TENM2: variants seen among roughly 807,000 people sequenced by gnomAD.
TENM2 encodes teneurin transmembrane protein 2.
A neutral mutation model predicts 245.2 loss-of-function variants in TENM2; 52 were observed. The ratio of observed to expected loss-of-function variants is 0.21; its 90% CI spans 0.17 to 0.27. The LOEUF is 0.27. TENM2 is among the 10% of genes least tolerant of loss of function. The pLI, the probability that TENM2 is intolerant of heterozygous loss-of-function variation, is 1.00. For missense variants in TENM2, 3,046 were observed against 3,666.8 expected, an observed-to-expected ratio of 0.83 and a Z score of 4.37; for synonymous variants, 1,363 against 1,438.9, an observed-to-expected ratio of 0.95 and a Z score of 1.19.
chr5:167,802,587 C>T lies in TENM2; in HGVS notation c.503-73399C>T, dbSNP rs970731440. Among the ~76,000 whole-genome samples, 36 of 152,288 alleles carry T rather than the reference C, an allele frequency of 2.4e-4. No individual in the cohort carries two copies. In the Middle Eastern group the frequency reaches 0.01, roughly 43 times the overall value. ...AATCGAGCTTGAAACCTGAAAGGAA[C>T]ATCTTCCTCCTTTAGGCATGTCAGA... On this transcript the variant is annotated intron_variant, in intron 2 of 28. Coordinates refer to ENST00000518659, the Ensembl canonical transcript of TENM2.
At chr5:167,060,090 A>G in the TENM2 span, among the ~76,000 whole-genome samples, 29 of 152,312 alleles carry the variant, frequency 1.9e-4, no homozygotes, top group Admixed American at 5.2e-4. Flanking sequence ...CAAATTCTAT[A>G]TAGAAATTTA....
intron 2 of TENM2, among the ~76,000 whole-genome samples, chr5:167,567,928 G>GCATT (rs1774016450): frequency 6.7e-6 from 1 of 149,786 alleles, no homozygotes; most frequent in South Asian, 2.1e-4. Context: ...TTTAATAAGT[G>GCATT]CATTCTAGGT....
intron 2 of TENM2, among the ~76,000 whole-genome samples, chr5:167,732,548 T>C (rs1438019987): frequency 6.6e-6 from 1 of 152,194 alleles, no homozygotes; most frequent in Non-Finnish European, 1.5e-5. Context: ...GTTTGCTTTT[T>C]TGAATTGCAG....
chr5:167,210,282 T>C, the TENM2 span, among the ~76,000 whole-genome samples: 1 of 152,192 alleles, frequency 6.6e-6, no homozygotes, highest in Admixed American at 6.5e-5. Context: ...CTTACTGTGC[T>C]TCTTTCCCAT....
chr5:167,876,152 C>T, exon 3 of TENM2: 1 of 1,551,608 alleles, frequency 6.4e-7, no homozygotes. Flanking sequence ...CCAATTCATA[C>T]CTGCTCAGAG....
At chr5:167,621,133 T>C (rs1778145060) in intron 2 of TENM2, among the ~76,000 whole-genome samples, 1 of 152,174 alleles carries the variant, frequency 6.6e-6, no homozygotes, top group African/African-American at 2.4e-5. Context: ...CCAGATATTA[T>C]ACTCGGAGCA....
intron 5 of TENM2, among the ~76,000 whole-genome samples, chr5:168,014,826 G>T (rs1288256240): frequency 6.6e-6 from 1 of 152,160 alleles, no homozygotes; most frequent in Non-Finnish European, 1.5e-5. Context: ...CAGTGGTTCT[G>T]TTCTGACAGC....
chr5:167,910,879 GA>G (rs1776491433), intron 3 of TENM2, among the ~76,000 whole-genome samples: 1 of 152,154 alleles, frequency 6.6e-6, no homozygotes, highest in Admixed American at 6.5e-5. Flanking sequence ...ATAAGAGCAA[GA>G]ACCTATCATT....
chr5:167,981,788 A>G (rs1782853392), intron 4 of TENM2, among the ~76,000 whole-genome samples: 1 of 152,128 alleles, frequency 6.6e-6, no homozygotes, highest in African/African-American at 2.4e-5. Flanking sequence ...AGCTTTGCCA[A>G]CATGGCAAAA....
chr5:167,327,510 G>A (rs754216404), intron 1 of TENM2, among the ~76,000 whole-genome samples: 15 of 152,132 alleles, frequency 9.9e-5, no homozygotes, highest in Non-Finnish European at 7.4e-5. Context: ...AGTATCTGGC[G>A]CATAGACACC....
chr5:167,802,159 C>T (rs1176115576), intron 2 of TENM2, among the ~76,000 whole-genome samples: 7 of 152,058 alleles, frequency 4.6e-5, no homozygotes, highest in Non-Finnish European at 8.8e-5. Context: ...GCCTTCATGG[C>T]CTAATCACCT....
chr5:167,332,425 G>T (rs1014655476), intron 1 of TENM2, among the ~76,000 whole-genome samples: 3 of 151,820 alleles, frequency 2.0e-5, no homozygotes, highest in African/African-American at 7.3e-5. Context: ...CATGATGAGG[G>T]TTTCTTTGCT....
intron 2 of TENM2, among the ~76,000 whole-genome samples, chr5:167,692,367 AAC>A (rs1163343382): frequency 6.6e-6 from 1 of 152,190 alleles, no homozygotes; most frequent in Non-Finnish European, 1.5e-5. Flanking sequence ...CTTTATTGGA[AAC>A]ACAGTTTCCA....
At chr5:167,709,875 G>A (rs1758791624) in intron 2 of TENM2, among the ~76,000 whole-genome samples, 2 of 152,166 alleles carry the variant, frequency 1.3e-5, no homozygotes, top group Non-Finnish European at 2.9e-5. Context: ...GGGGGAGAGA[G>A]GAAGACTCTT....
Position 168,218,236 on chromosome 5 carries a change from A to G in TENM2, c.4345A>G (p.Ile1449Val). 6.2e-7 allele frequency: 1 copy of G among 1,613,826 alleles called. No individual in the cohort carries two copies. Among genetic ancestry groups the G allele is most frequent in the South Asian group, 1.1e-5 (1 of 91,040 alleles). ...CACCGAGAACCACCAAGTCAGCATC[A>G]TTGCGGGACGCCCCATGCACTGCCA... Residue 1449 changes from isoleucine (I) to valine (V), a missense_variant, in exon 23 of 29, where the codon ATT (isoleucine) becomes GTT (valine). Physicochemically the swap from Ile to Val is conservative, Grantham distance 29. This residue lies in a region of TENM2 where 2,704 missense variants were observed against 3,331.9 expected (regional missense o/e 0.81). Transcript: ENST00000518659. This position sits in a 1 kb window ranked among gnomAD's most constrained non-coding sequence, Gnocchi z 5.2.
chr5:167,976,401 T>G (rs1189479145), intron 4 of TENM2, among the ~76,000 whole-genome samples: 1 of 152,178 alleles, frequency 6.6e-6, no homozygotes, highest in Non-Finnish European at 1.5e-5. Flanking sequence ...TGTAGAGTAC[T>G]GGGATATTTA....
intron 5 of TENM2, among the ~76,000 whole-genome samples, chr5:168,021,446 G>A (rs557235250): frequency 2.2e-4 from 33 of 152,218 alleles, no homozygotes; most frequent in Admixed American, 3.3e-4. Context: ...CCAGCTCCCC[G>A]AGGTTCCTCA....
At chr5:168,091,413 A>C (rs776216463) in intron 8 of TENM2, among the ~76,000 whole-genome samples, 1 of 152,150 alleles carries the variant, frequency 6.6e-6, no homozygotes, top group Non-Finnish European at 1.5e-5. Flanking sequence ...TTTCAACCAA[A>C]ATGTCCTTAT....
At chr5:167,755,500 A>C (rs981726482) in intron 2 of TENM2, among the ~76,000 whole-genome samples, 6 of 152,002 alleles carry the variant, frequency 3.9e-5, no homozygotes, top group African/African-American at 1.4e-4. Flanking sequence ...ATAAAATGGA[A>C]TTTATTAACT....
Sources: gnomAD v4.1 joint callset for allele counts (sites outside exome capture counted in the v4.1 genomes callset) on GRCh38, gnomAD v4.1.1 for gene constraint, gnomAD v4.1.1 regional missense constraint, Gnocchi (gnomAD v3.1) non-coding constraint, MANE v1.5 for transcripts, NCBI Gene and HGNC (gene_info 2026-07-23, HGNC 2026-07-21) for gene names.